Variants in PRUNE2 observed in about 807,000 individuals in gnomAD.
The protein encoded by PRUNE2 is protein prune homolog 2.
Under a neutral mutation model 252.0 loss-of-function variants are expected in PRUNE2, and 164 were observed. The observed-to-expected ratio is 0.65, with a 90% CI of 0.57 to 0.74. PRUNE2 has a LOEUF of 0.74. Ranked by LOEUF, PRUNE2 falls within the 30% of genes least tolerant of loss-of-function variation. The probability of loss-of-function intolerance (pLI) is 0.00; values close to 1 mark genes in which losing one functional copy is unlikely to be tolerated. For synonymous variants in PRUNE2, 1,292 were observed against 1,350.2 expected, an observed-to-expected ratio of 0.96 and a Z score of 0.94; for missense variants, 3,495 against 3,711.0, an observed-to-expected ratio of 0.94 and a Z score of 1.51.
chr9:76,625,085 A>G (rs1442901203), intron 16 of PRUNE2: 2 of 1,295,794 alleles, frequency 1.5e-6, no homozygotes, highest in South Asian at 1.2e-5. Context: ...CGAGTGCCAT[A>G]AGGAAAATGA....
chr9:76,661,376 A>G (rs1447728184), intron 9 of PRUNE2, among the ~76,000 whole-genome samples: 1 of 151,996 alleles, frequency 6.6e-6, no homozygotes, highest in Non-Finnish European at 1.5e-5. Context: ...CCAAGTAGCT[A>G]GGATTACAGG....
intron 17 of PRUNE2, among the ~76,000 whole-genome samples, chr9:76,621,553 A>G (rs1335787460): frequency 2.0e-5 from 3 of 152,232 alleles, no homozygotes; most frequent in Non-Finnish European, 4.4e-5. Context: ...CTGAATCCAA[A>G]GCAAGAGCAT....
intron 6 of PRUNE2, among the ~76,000 whole-genome samples, chr9:76,765,436 G>A (rs2052240674): frequency 1.3e-5 from 2 of 152,174 alleles, no homozygotes; most frequent in African/African-American, 4.8e-5. Flanking sequence ...CAATAGAATG[G>A]TGGGATTATA....
At chr9:76,846,476 T>C in intron 4 of PRUNE2, 39 bp downstream of exon 4, 1 of 1,576,684 alleles carries the variant, frequency 6.3e-7, no homozygotes. Context: ...GACACTCCAT[T>C]AAGCCTTCCA....
rs2134945615 is a variant in PRUNE2 at position 76,708,850 on chromosome 9, T to G, written c.3424A>C (p.Ser1142Arg). ...MDNDLDWDDC[S>R]GGAAIPSDGQ... Reference sequence around the variant, plus strand: ...TCACTGGGGATTGCCGCACCCCCACTGCAGTCATCCCAGTCCAAATCATTG... The same window carrying G: ...TCACTGGGGATTGCCGCACCCCCACGGCAGTCATCCCAGTCCAAATCATTG... The change falls in exon 8 of 19, where the codon AGT becomes CGT. Residue 1142 changes from serine (S) to arginine (R), a missense_variant. Transcript: ENST00000376718. 7 of 1,613,990 alleles carry G rather than the reference T, an allele frequency of 4.3e-6. No homozygotes were observed. Among genetic ancestry groups the G allele is most frequent in the Non-Finnish European group, 5.9e-6 (7 of 1,179,894 alleles).
chr9:76,754,323 C>A (rs1323620800), intron 6 of PRUNE2, among the ~76,000 whole-genome samples: 3 of 152,120 alleles, frequency 2.0e-5, no homozygotes, highest in Non-Finnish European at 4.4e-5. Flanking sequence ...GTTAGGACTT[C>A]CCCTCCTTGA....
intron 5 of PRUNE2, 53 bp from the exon 6 acceptor site, chr9:76,823,779 T>A (rs2058178899): frequency 9.1e-7 from 1 of 1,096,842 alleles, no homozygotes; most frequent in East Asian, 2.4e-5. Context: ...GATTTTTTTT[T>A]TGTAATATCA....
At chr9:76,879,327 C>A (rs2061629514) in intron 1 of PRUNE2, among the ~76,000 whole-genome samples, 1 of 152,094 alleles carries the variant, frequency 6.6e-6, no homozygotes, top group Non-Finnish European at 1.5e-5. Flanking sequence ...ATCTGCACAC[C>A]CCGATTTTGT....
intron 6 of PRUNE2, among the ~76,000 whole-genome samples, chr9:76,731,273 T>TCC (rs1435132045): frequency 6.5e-5 from 7 of 108,156 alleles, no homozygotes; most frequent in African/African-American, 3.3e-4. Context: ...AAACATATAT[T>TCC]CCCTCTCTCT....
chr9:76,750,017 G>C (rs1045827514), intron 6 of PRUNE2, among the ~76,000 whole-genome samples: 1 of 151,984 alleles, frequency 6.6e-6, no homozygotes, highest in Non-Finnish European at 1.5e-5. Flanking sequence ...TGGGCTTCTG[G>C]GTGGGCTTCC....
At chr9:76,791,099 T>C (rs971990642) in intron 6 of PRUNE2, among the ~76,000 whole-genome samples, 8 of 152,220 alleles carry the variant, frequency 5.3e-5, no homozygotes, top group Non-Finnish European at 8.8e-5. Context: ...TGGGGAGATG[T>C]TGGTCAAAGG....
At chr9:76,890,571 T>A (rs1368226071) in intron 1 of PRUNE2, among the ~76,000 whole-genome samples, 2 of 152,210 alleles carry the variant, frequency 1.3e-5, no homozygotes, top group East Asian at 3.9e-4. Context: ...ATTTAGCAGG[T>A]GTGCACGATT....
At chr9:76,672,746 A>C (rs1405950639) in intron 9 of PRUNE2, among the ~76,000 whole-genome samples, 1 of 140,570 alleles carries the variant, frequency 7.1e-6, no homozygotes, top group South Asian at 2.5e-4. Flanking sequence ...AGGATTAAGA[A>C]TCTCACTCAA....
rs987704150 is a variant in PRUNE2 at position 76,848,226 on chromosome 9, T to C, written c.345-1548A>G. 1.2e-4 allele frequency among the ~76,000 whole-genome samples: 19 copies of C among 152,288 alleles called. No homozygotes were observed. The East Asian group carries it at 1.9e-3, about 15-fold the overall frequency. The stretch of plus-strand genomic sequence containing the variant: ...CTGCAGTGAGCTGAGATCGTGCCAC[T>C]GCACTCCAGCCTGGGTGACAGAGCA... On this transcript the variant is annotated intron_variant, in intron 3 of 18. Transcript: ENST00000376718.
intron 9 of PRUNE2, among the ~76,000 whole-genome samples, chr9:76,688,433 T>C (rs1399346097): frequency 6.6e-6 from 1 of 152,216 alleles, no homozygotes; most frequent in Non-Finnish European, 1.5e-5. Flanking sequence ...TGAACTTATA[T>C]CAAGTAACTC....
rs140384584 is a variant in PRUNE2 at position 76,854,158 on chromosome 9, C to T, written c.87G>A (p.Ser29=). The part of the protein sequence containing the change: ...EKVHVVIGPK[S]CDLDSLISTF... ...TAGAAATGAGAGAATCCAAGTCACA[C>T]GATTTAGGCCCAATAACCACATGGA... The change falls in exon 2 of 19, where the codon TCG becomes TCA. Residue 29 remains serine, a synonymous_variant. Coordinates refer to ENST00000376718, the MANE Select transcript of PRUNE2 (RefSeq NM_015225.3). The T allele has an allele frequency of 5.6e-4, 898 of 1,604,942 alleles. 8 individuals carry two copies. The African/African-American group carries it at 0.01, about 19-fold the overall frequency.
intron 6 of PRUNE2, among the ~76,000 whole-genome samples, chr9:76,748,195 G>A (rs1481315628): frequency 2.0e-5 from 3 of 152,194 alleles, no homozygotes; most frequent in Non-Finnish European, 1.5e-5. Context: ...ACTGATATTT[G>A]AGGCAGTAGA....
In PRUNE2 at chr9:76,788,736, A is replaced by C. The variant is rs539574876; in HGVS notation, c.756+34896T>G. On this transcript the variant is annotated intron_variant, in intron 6 of 18. Coordinates refer to ENST00000376718, the MANE Select transcript of PRUNE2 (RefSeq NM_015225.3). The stretch of plus-strand genomic sequence containing the variant: ...GATGGCAGAGATCACAAATCTTATA[A>C]GAAGAGAGAGAGACTCATATTTGCA... Among the ~76,000 whole-genome samples the C allele has an allele frequency of 1.8e-4, 27 of 152,324 alleles. 1 individual carries two copies. The highest frequency in any genetic ancestry group is 6.0e-4 in the African/African-American group (25 of 41,572).
chr9:76,801,586 T>G (rs2056559587), intron 6 of PRUNE2, among the ~76,000 whole-genome samples: 1 of 152,156 alleles, frequency 6.6e-6, no homozygotes, highest in South Asian at 2.1e-4. Context: ...ATCTCTTAAA[T>G]CTTACCAGGT....
Sources: allele counts gnomAD v4.1 joint callset (sites outside exome capture counted in the v4.1 genomes callset), GRCh38; gene constraint gnomAD v4.1.1; transcripts MANE v1.5; gene names NCBI Gene and HGNC (gene_info 2026-07-23, HGNC 2026-07-21).